Variants in PTPRD observed in about 807,000 individuals in gnomAD.
PTPRD encodes protein tyrosine phosphatase receptor type D.
PTPRD carries 34 observed loss-of-function variants against 214.5 expected under a neutral mutation model. The observed-to-expected ratio is 0.16, with a 90% CI of 0.12 to 0.21. The LOEUF (loss-of-function observed/expected upper bound fraction) is 0.21. PTPRD is among the 10% of genes least tolerant of loss of function. The probability of loss-of-function intolerance (pLI) is 1.00; values close to 1 mark genes in which losing one functional copy is unlikely to be tolerated. For missense variants in PTPRD, 2,545 were observed against 2,398.7 expected (o/e 1.06, Z -1.27); for synonymous variants, 1,128 against 845.7 (o/e 1.33, Z -5.79).
chr9:9,864,274 C>G (rs1488636846), intron 5 of PTPRD, among the ~76,000 whole-genome samples: 2 of 151,764 alleles, frequency 1.3e-5, no homozygotes, highest in Non-Finnish European at 2.9e-5. Flanking sequence ...CCTCTGCACT[C>G]CAGCCTGGGT....
At chr9:9,325,300 G>A (rs1458401804) in intron 9 of PTPRD, among the ~76,000 whole-genome samples, 7 of 152,082 alleles carry the variant, frequency 4.6e-5, no homozygotes, top group East Asian at 1.9e-4. Context: ...CCATTTTCAC[G>A]ATATTGATTC....
At chr9:9,865,112 G>C (rs1186375138) in intron 5 of PTPRD, among the ~76,000 whole-genome samples, 2 of 152,044 alleles carry the variant, frequency 1.3e-5, no homozygotes, top group Non-Finnish European at 2.9e-5. Flanking sequence ...AAAGATCATA[G>C]ACAATGATAT....
intron 9 of PTPRD, among the ~76,000 whole-genome samples, chr9:9,348,951 T>G (rs1347658667): frequency 6.6e-6 from 1 of 152,116 alleles, no homozygotes; most frequent in African/African-American, 2.4e-5. Context: ...ACTAAACCTA[T>G]TTTAATAGGA....
In PTPRD at chr9:10,463,710, C is replaced by A. The variant is rs113926259; in HGVS notation, c.-599-122693G>T. ...TTTCAGAGTTCTCTGCTGTGACACT[C>A]AACTTCAGACACTAACAGAGGAATA... On this transcript the variant is annotated intron_variant, in intron 2 of 45. Transcript: ENST00000381196. Among the ~76,000 whole-genome samples, 262 of 151,960 alleles carry A rather than the reference C, an allele frequency of 1.7e-3. 1 individual carries two copies. The highest frequency in any genetic ancestry group is 0.014 in the Middle Eastern group (4 of 294).
intron 10 of PTPRD, among the ~76,000 whole-genome samples, chr9:9,107,125 G>T (rs1407790049): frequency 1.3e-5 from 2 of 152,108 alleles, no homozygotes; most frequent in African/African-American, 4.8e-5. Context: ...CTCACATGAG[G>T]ATATGAGTAA....
rs145877324 is a variant in PTPRD, at chr9:9,595,652, A to G, written c.-286-20871T>C. Among the ~76,000 whole-genome samples the G allele has an allele frequency of 4.3e-3, 656 of 151,936 alleles. 4 individuals carry two copies. Among genetic ancestry groups the G allele is most frequent in the African/African-American group, 0.015 (613 of 41,490 alleles). Reference sequence around the variant, plus strand: ...ATTAATGGCCTTTGCCGCAACCTCAATGAGATTGCAGGCTACTATTCTAAG... The same window carrying G: ...ATTAATGGCCTTTGCCGCAACCTCAGTGAGATTGCAGGCTACTATTCTAAG... On this transcript the variant is annotated intron_variant, in intron 7 of 45. Transcript: ENST00000381196.
intron 39 of PTPRD, among the ~76,000 whole-genome samples, chr9:8,344,594 C>T (rs1004925569): frequency 9.9e-5 from 15 of 152,104 alleles, no homozygotes; most frequent in African/African-American, 3.1e-4. Flanking sequence ...TTGTTAACTG[C>T]CCAATCCTGC....
chr9:9,206,036 G>A (rs1431558241), intron 9 of PTPRD, among the ~76,000 whole-genome samples: 3 of 152,218 alleles, frequency 2.0e-5, no homozygotes. Flanking sequence ...CAAGCACAGA[G>A]AAGAAAATGA....
intron 3 of PTPRD, among the ~76,000 whole-genome samples, chr9:10,082,485 A>C (rs1004173754): frequency 6.6e-6 from 1 of 152,084 alleles, no homozygotes; most frequent in Admixed American, 6.6e-5. Flanking sequence ...ATTTGACAGC[A>C]AACAATTCTA....
chr9:8,923,198 C>T (rs1026126100), intron 11 of PTPRD, among the ~76,000 whole-genome samples: 3 of 151,710 alleles, frequency 2.0e-5, no homozygotes, highest in East Asian at 3.9e-4. Context: ...CCTGCCACCA[C>T]GCCCAGCTAA....
chr9:9,081,109 C>T (rs2099758357), intron 10 of PTPRD, among the ~76,000 whole-genome samples: 1 of 152,088 alleles, frequency 6.6e-6, no homozygotes, highest in Non-Finnish European at 1.5e-5. Context: ...TTAGATCTTT[C>T]CTGCTTTCTC....
At position 10,325,276 on chromosome 9, in the gene PTPRD, A is replaced by G. The variant is rs377684964; in HGVS notation, c.-545+15687T>C. On this transcript the variant is annotated intron_variant, in intron 3 of 45. Coordinates refer to ENST00000381196, the MANE Select transcript of PTPRD (RefSeq NM_002839.4). ...CTGCTACTATTGTTATGCTGGCCAC[A>G]TGTTGAGATACAAGGCCTAGTTATA... 7.6e-4 allele frequency among the ~76,000 whole-genome samples: 116 copies of G among 152,110 alleles called. 2 individuals carry two copies. In the South Asian group the frequency reaches 0.021, roughly 28 times the overall value.
At chr9:9,808,925 A>C (rs1329249721) in intron 5 of PTPRD, among the ~76,000 whole-genome samples, 2 of 148,348 alleles carry the variant, frequency 1.3e-5, no homozygotes, top group African/African-American at 2.5e-5. Context: ...TACATGCCAC[A>C]ATGCCTGGCT....
In PTPRD at chr9:9,711,730, T is replaced by G. The variant is rs1345002903; in HGVS notation, c.-287+22803A>C. On this transcript the variant is annotated intron_variant, in intron 7 of 45. Coordinates refer to ENST00000381196, the MANE Select transcript of PTPRD (RefSeq NM_002839.4). ...TGTAGCGGGGAGAAACTAGAGACAC[T>G]GCTAAGCGTTCTGTAATATATATAG... is the stretch of plus-strand genomic sequence containing the variant. Among the ~76,000 whole-genome samples the G allele has an allele frequency of 2.0e-5, 3 of 152,284 alleles. No homozygotes were observed. In the East Asian group the frequency reaches 5.8e-4, roughly 29 times the overall value.
At chr9:10,487,836 T>A (rs888986267) in intron 2 of PTPRD, among the ~76,000 whole-genome samples, 25 of 89,228 alleles carry the variant, frequency 2.8e-4, no homozygotes, top group East Asian at 5.0e-4. Context: ...TAGAAGAACT[T>A]TTTTTTTTTT....
intron 4 of PTPRD, among the ~76,000 whole-genome samples, chr9:10,008,142 T>A (rs930303977): frequency 6.6e-6 from 1 of 151,902 alleles, no homozygotes; most frequent in African/African-American, 2.4e-5. Context: ...CTTAACAAAT[T>A]CCCTGTTGGC....
At chr9:10,169,689 T>C (rs1346956234) in intron 3 of PTPRD, among the ~76,000 whole-genome samples, 1 of 152,114 alleles carries the variant, frequency 6.6e-6, no homozygotes, top group African/African-American at 2.4e-5. Context: ...TACAACTTCT[T>C]CTATAGCTGC....
intron 18 of PTPRD, among the ~76,000 whole-genome samples, chr9:8,524,369 T>C (rs1300320333): frequency 1.3e-5 from 2 of 152,196 alleles, no homozygotes; most frequent in African/African-American, 4.8e-5. Context: ...CACATGTATA[T>C]ATAATACTAT....
At chr9:10,255,912 C>T (rs1057345020) in intron 3 of PTPRD, among the ~76,000 whole-genome samples, 1 of 152,142 alleles carries the variant, frequency 6.6e-6, no homozygotes, top group African/African-American at 2.4e-5. Context: ...ACTGGTACTG[C>T]TCTAGTACCT....
Sources: allele counts gnomAD v4.1 joint callset (sites outside exome capture counted in the v4.1 genomes callset), GRCh38; gene constraint gnomAD v4.1.1; transcripts MANE v1.5; gene names NCBI Gene and HGNC (gene_info 2026-07-23, HGNC 2026-07-21).